ZNF862: variants seen among roughly 807,000 people sequenced by gnomAD.
The protein encoded by ZNF862 is zinc finger protein 862.
ZNF862 carries 64 observed loss-of-function variants against 91.1 expected under a neutral mutation model. The observed-to-expected ratio is 0.70, with a 90% CI of 0.57 to 0.87. The LOEUF (loss-of-function observed/expected upper bound fraction) is 0.87. ZNF862 is among the 40% of genes least tolerant of loss of function. ZNF862 has a pLI of 0.00. For synonymous variants in ZNF862, 631 were observed against 618.1 expected, an observed-to-expected ratio of 1.02 and a Z score of -0.31; for missense variants, 1,459 against 1,528.0, an observed-to-expected ratio of 0.95 and a Z score of 0.75.
intron 3 of ZNF862, among the ~76,000 whole-genome samples, chr7:149,847,194 A>G (rs758525951): frequency 3.7e-4 from 57 of 152,172 alleles, no homozygotes; most frequent in Non-Finnish European, 7.3e-4. Flanking sequence ...ATTAGACTTG[A>G]GTTTCTCTTG....
chr7:149,860,895 C>A lies in ZNF862; in HGVS notation c.1735C>A (p.Leu579Met), dbSNP rs750277060. The change falls in exon 7 of 8, where the codon CTG becomes ATG. Residue 579 changes from leucine to methionine, a missense_variant. By Grantham distance (15) the Leu-to-Met change is conservative. Coordinates refer to ENST00000223210, the MANE Select transcript of ZNF862 (RefSeq NM_001099220.3). ...GCCCCTGAATGACTTTGAGAAGATC[C>A]TGCAGCTCCTCCAAAGCACGGGGAC... ...SRPLNDFEKILQLLQSTGTVI... is the reference protein window; with the variant it reads ...SRPLNDFEKIMQLLQSTGTVI... 5 of 1,613,694 alleles carry A rather than the reference C, an allele frequency of 3.1e-6. No individual in the cohort carries two copies. The highest frequency in any genetic ancestry group is 3.4e-6 in the Non-Finnish European group (4 of 1,179,912).
At position 149,865,873 on chromosome 7, in the gene ZNF862, T is replaced by A. The variant is rs577473991; in HGVS notation, c.*1589T>A. On this transcript the variant is annotated 3_prime_UTR_variant, in exon 8 of 8. Coordinates refer to ENST00000223210, the MANE Select transcript of ZNF862 (RefSeq NM_001099220.3). ...GGGTAGATGCTGGCATCTGAGCACC[T>A]GAGTACCCTTCCTATTCCCAGGGTA... The A allele has an allele frequency of 6.6e-6, 1 of 150,508 alleles. No individual in the cohort carries two copies. Among genetic ancestry groups the A allele is most frequent in the Non-Finnish European group, 1.5e-5 (1 of 67,464 alleles). The allele number at this position is 150,508 out of a possible 1,614,324, so 9.3% of individuals were successfully genotyped here.
At position 149,860,528 on chromosome 7, in the gene ZNF862, CAA is replaced by C. The variant is rs1802429499; in HGVS notation, c.1369_1370del (p.Lys457GlufsTer22). 6.2e-7 allele frequency: 1 copy of C among 1,613,874 alleles called. No homozygotes were observed. The highest frequency in any genetic ancestry group is 1.3e-5 in the African/African-American group (1 of 74,918). On this transcript the variant is annotated frameshift_variant, in exon 7 of 8. Coordinates refer to ENST00000223210, the MANE Select transcript of ZNF862 (RefSeq NM_001099220.3). LOFTEE classifies it high-confidence loss of function. Reference protein sequence around the residue: ...CEEGDGPRRIKRTYRPRSIQR... With the variant: ...CEEGDGPRRIXRTYRPRSIQR... ...AGGAAGGAGATGGACCTAGGAGAAT[CAA>C]GAGGACATACAGGCCCCGTTCCATT... is the stretch of plus-strand genomic sequence containing the variant.
intron 5 of ZNF862, chr7:149,851,986 C>T (rs940898091): frequency 6.6e-6 from 1 of 152,232 alleles, no homozygotes; most frequent in African/African-American, 2.4e-5. Flanking sequence ...TGATTCCTTT[C>T]AGTTACTTTA....
intron 2 of ZNF862, 189 bp downstream of exon 2, chr7:149,844,925 C>A: frequency 1.8e-6 from 1 of 552,414 alleles, no homozygotes; most frequent in East Asian, 3.2e-5. Flanking sequence ...CCTTTCTCTT[C>A]TCCCCTTAAA....
chr7:149,841,829 C>A, intron 1 of ZNF862: 1 of 878,114 alleles, frequency 1.1e-6, no homozygotes, highest in Non-Finnish European at 1.4e-6. Flanking sequence ...GCACTTATAT[C>A]TTAGTTGTCT....
In ZNF862 at chr7:149,860,933, C is replaced by T. The variant is rs1360633996; in HGVS notation, c.1773C>T (p.Gly591=). 2 of 1,613,664 alleles carry T rather than the reference C, an allele frequency of 1.2e-6. No homozygotes were observed. The highest frequency in any genetic ancestry group is 2.7e-5 in the African/African-American group (2 of 74,932). The change falls in exon 7 of 8, where the codon GGC becomes GGT. Residue 591 remains glycine, a synonymous_variant. Transcript: ENST00000223210. The part of the protein sequence containing the change: ...LLQSTGTVIL[G]KYRNRTACTQ... ...AAAGCACGGGGACCGTGATATTAGG[C>T]AAGTACCGCAATCGCACGGCGTGCA...
chr7:149,861,343 G>C lies in ZNF862; in HGVS notation c.2183G>C (p.Arg728Pro), dbSNP rs904203102. The C allele has an allele frequency of 4.3e-6, 7 of 1,612,978 alleles. No individual in the cohort carries two copies. The Admixed American group carries it at 1.2e-4, about 27-fold the overall frequency. The change falls in exon 7 of 8, where the codon CGG (arginine) becomes CCG (proline). Residue 728 changes from arginine (R) to proline (P), a missense_variant. Arg to Pro is a moderately radical substitution (Grantham distance 103). Coordinates refer to ENST00000223210, the MANE Select transcript of ZNF862 (RefSeq NM_001099220.3). This position sits in a 1 kb window ranked among gnomAD's most constrained non-coding sequence, Gnocchi z 6.7. Reference sequence around the variant, plus strand: ...CTGCCTGTCCACTGCGTGGCCCACCGGCTGCACCTGGCTGTGGTGGACGCC... The same window carrying C: ...CTGCCTGTCCACTGCGTGGCCCACCCGCTGCACCTGGCTGTGGTGGACGCC... ...QLLPVHCVAH[R>P]LHLAVVDACG...
At position 149,856,512 on chromosome 7, in the gene ZNF862, T is replaced by G. The variant is rs80347262; in HGVS notation, c.1118-2910T>G. Among the ~76,000 whole-genome samples, 1,515 of 152,350 alleles carry G rather than the reference T, an allele frequency of 9.9e-3. 25 individuals are homozygous for G. Among genetic ancestry groups the G allele is most frequent in the African/African-American group, 0.035 (1,445 of 41,574 alleles). ...CGAATTGGAAAATTTTTTCTTCTTT[T>G]TCATTTTTCTCACTTTCTTTACCCT... On this transcript the variant is annotated intron_variant, in intron 5 of 7. Transcript: ENST00000223210.
chr7:149,848,629 T>C (rs1801960655), intron 4 of ZNF862, among the ~76,000 whole-genome samples, 197 bp downstream of exon 4: 1 of 152,238 alleles, frequency 6.6e-6, no homozygotes, highest in Admixed American at 6.5e-5. Flanking sequence ...TCATTTAATT[T>C]GGACAACAAC....
Position 149,864,280 on chromosome 7 carries a change from C to T in ZNF862, c.3506C>T (p.Ser1169Phe). 1 of 1,596,940 alleles carries T rather than the reference C, an allele frequency of 6.3e-7. No individual in the cohort carries two copies. The highest frequency in any genetic ancestry group is 8.5e-7 in the Non-Finnish European group (1 of 1,172,778). ...ACCAGCCAGGAGGCCCCCGGGATGT[C>T]CTGAGGGACAGGGAGTCCTTGGGAC... is the stretch of plus-strand genomic sequence containing the variant. The part of the protein sequence containing the change: ...PHTSQEAPGM[S>F] Residue 1169 changes from serine to phenylalanine, a missense_variant, in exon 8 of 8, where the codon TCC becomes TTC. Ser to Phe is a radical substitution (Grantham distance 155). Coordinates refer to ENST00000223210, the MANE Select transcript of ZNF862 (RefSeq NM_001099220.3).
chr7:149,850,521 A>G lies in ZNF862; in HGVS notation c.1117+183A>G. On this transcript the variant is annotated intron_variant, in intron 5 of 7. Transcript: ENST00000223210. The surrounding 1 kb of genome is among the most constrained non-coding windows in gnomAD (Gnocchi z 4.2). ...GGTAACTGTGCTTTATCACCTTCTC[A>G]TCCACCCACCTGTTCATCCATTCGT... The G allele has an allele frequency of 1.7e-6, 1 of 599,272 alleles. No individual in the cohort carries two copies. The highest frequency in any genetic ancestry group is 2.2e-5 in the South Asian group (1 of 45,846). 37.1% of individuals were successfully genotyped at this position (599,272 alleles called of 1,614,324 possible).
chr7:149,844,378 A>T (rs928365559), intron 1 of ZNF862, among the ~76,000 whole-genome samples: 3 of 152,092 alleles, frequency 2.0e-5, no homozygotes, highest in Admixed American at 6.6e-5. Context: ...CAGGGAGGGG[A>T]CGGAGAAGCT....
rs1299894278 is a variant in ZNF862, at chr7:149,865,980, G to A, written c.*1696G>A. 6.7e-6 allele frequency: 1 copy of A among 149,270 alleles called. No individual in the cohort carries two copies. The highest frequency in any genetic ancestry group is 1.5e-5 in the Non-Finnish European group (1 of 67,012). The allele number at this position is 149,270 out of a possible 1,614,324, so 9.2% of individuals were successfully genotyped here. A position where few individuals can be genotyped will look rare whatever the true frequency, so the allele number is the denominator to read the frequency against. On this transcript the variant is annotated 3_prime_UTR_variant, in exon 8 of 8. Coordinates refer to ENST00000223210, the MANE Select transcript of ZNF862 (RefSeq NM_001099220.3). ...CCTGAGTACCCTTCCTATTCCCAGG[G>A]TAGAAGCTGCTGTCTGAGTACCCTT... is the stretch of plus-strand genomic sequence containing the variant.
Position 149,862,354 on chromosome 7 carries a change from T to G in ZNF862, c.3194T>G (p.Leu1065Arg). 6.2e-7 allele frequency: 1 copy of G among 1,613,298 alleles called. No homozygotes were observed. Among genetic ancestry groups the G allele is most frequent in the Non-Finnish European group, 8.5e-7 (1 of 1,179,652 alleles). ...CTCTCCAACGAGGTGCTCAACATGC[T>G]CATGATGACAGCTGTGAACGGCGTG... The part of the protein sequence containing the change: ...TKLSNEVLNM[L>R]MMTAVNGVAV... Residue 1065 changes from leucine (L) to arginine (R), a missense_variant, in exon 7 of 8, where the codon CTC (leucine) becomes CGC (arginine). Transcript: ENST00000223210.
Position 149,850,405 on chromosome 7 carries a change from T to C in ZNF862, c.1117+67T>C, listed in dbSNP as rs1429468683. On this transcript the variant is annotated intron_variant, in intron 5 of 7. Transcript: ENST00000223210. This position sits in a 1 kb window ranked among gnomAD's most constrained non-coding sequence, Gnocchi z 4.2. ...CTTGGGAAGCCCACAAGGGGAGCTG[T>C]GGCTTGTGGTTATCTTCCCATTCCT... 6.0e-6 allele frequency: 9 copies of C among 1,503,478 alleles called. No individual in the cohort carries two copies. The highest frequency in any genetic ancestry group is 1.4e-5 in the African/African-American group (1 of 72,648). The allele number at this position is 1,503,478 out of a possible 1,614,324, so 93.1% of individuals were successfully genotyped here.
rs1226634677 is a variant in ZNF862, at chr7:149,850,207, A to G, written c.986A>G (p.Glu329Gly). The G allele has an allele frequency of 6.3e-7, 1 of 1,599,760 alleles. No individual in the cohort carries two copies. The highest frequency in any genetic ancestry group is 2.3e-5 in the East Asian group (1 of 44,180). The change falls in exon 5 of 8, where the codon GAG (glutamate) becomes GGG (glycine). Residue 329 changes from glutamate to glycine, a missense_variant. Transcript: ENST00000223210. This position sits in a 1 kb window ranked among gnomAD's most constrained non-coding sequence, Gnocchi z 4.2. ...GLSEEVPVVFEELPVVFEDVA... is the reference protein window; with the variant it reads ...GLSEEVPVVFGELPVVFEDVA... ...TCGGAGGAGGTTCCTGTGGTGTTTG[A>G]GGAGCTGCCGGTGGTGTTCGAGGAT...
chr7:149,847,593 GT>G (rs869264533), intron 3 of ZNF862, 141 bp from the exon 4 acceptor site: 115 of 654 alleles, frequency 0.18, 2 homozygotes, highest in Admixed American at 0.43. Context: ...GAAAATTCAG[GT>G]GTGTGTGTGT....
intron 2 of ZNF862, 65 bp from the exon 3 acceptor site, chr7:149,846,086 C>T: frequency 8.3e-7 from 1 of 1,210,476 alleles, no homozygotes; most frequent in Non-Finnish European, 1.2e-6. Flanking sequence ...CGTGTTGTGA[C>T]CCGGAGCCAG....
Sources: gnomAD v4.1 joint callset for allele counts (sites outside exome capture counted in the v4.1 genomes callset) on GRCh38, gnomAD v4.1.1 for gene constraint, Gnocchi (gnomAD v3.1) non-coding constraint, MANE v1.5 for transcripts, NCBI Gene and HGNC (gene_info 2026-07-23, HGNC 2026-07-21) for gene names.